SHISA9: variants seen among roughly 807,000 people sequenced by gnomAD.
The protein encoded by SHISA9 is shisa family member 9.
SHISA9 carries 13 observed loss-of-function variants against 38.0 expected under a neutral mutation model. That is an observed-to-expected ratio of 0.34 (90% CI 0.22 to 0.54). The LOEUF is 0.54. SHISA9 is among the 20% of genes least tolerant of loss of function. The pLI is 0.91. For synonymous variants in SHISA9, 275 were observed against 242.0 expected, an observed-to-expected ratio of 1.14 and a Z score of -1.27; for missense variants, 538 against 575.8, an observed-to-expected ratio of 0.93 and a Z score of 0.67.
At chr16:13,249,481 C>G in the SHISA9 span, among the ~76,000 whole-genome samples, 2 of 152,146 alleles carry the variant, frequency 1.3e-5, no homozygotes, top group African/African-American at 4.8e-5. Flanking sequence ...CAAAGATATG[C>G]TGAGCATCTG....
chr16:13,469,395 AAG>A, the SHISA9 span, among the ~76,000 whole-genome samples: 4 of 129,486 alleles, frequency 3.1e-5, no homozygotes, highest in East Asian at 2.2e-4. Flanking sequence ...GAAAGAAAGA[AAG>A]AAAGAAAGAA....
intron 2 of SHISA9, among the ~76,000 whole-genome samples, chr16:12,979,245 T>C (rs1383815646): frequency 6.6e-6 from 1 of 152,188 alleles, no homozygotes; most frequent in Non-Finnish European, 1.5e-5. Flanking sequence ...TAATGATTAA[T>C]TCCAGAAACA....
chr16:13,151,413 A>G (rs1231199257), intron 2 of SHISA9, among the ~76,000 whole-genome samples: 1 of 152,014 alleles, frequency 6.6e-6, no homozygotes, highest in Non-Finnish European at 1.5e-5. Flanking sequence ...AGTCACTTTG[A>G]TTTTCAAGGG....
chr16:13,543,536 C>G, the SHISA9 span, among the ~76,000 whole-genome samples: 1 of 152,140 alleles, frequency 6.6e-6, no homozygotes, highest in Non-Finnish European at 1.5e-5. Context: ...GGGATTTGAC[C>G]CCAGAGTCCT....
chr16:13,167,819 C>A (rs12918496), intron 2 of SHISA9, among the ~76,000 whole-genome samples: 56,024 of 152,070 alleles, frequency 0.37, 11,117 homozygotes, highest in Non-Finnish European at 0.43. Flanking sequence ...AACCTCTTTT[C>A]TTTATAAATC....
chr16:13,491,772 G>A, the SHISA9 span, among the ~76,000 whole-genome samples: 2 of 139,818 alleles, frequency 1.4e-5, no homozygotes, highest in African/African-American at 5.4e-5. Flanking sequence ...TTATAAGCAT[G>A]AGCCACTGCA....
At position 13,086,658 on chromosome 16, in the gene SHISA9, A is replaced by G. The variant is rs1339116309; in HGVS notation, c.692-116736A>G. The stretch of plus-strand genomic sequence containing the variant: ...GAAATGGATTAGAAGAAAATTTAGG[A>G]TATTTGTATTTCAAAATTGAGAAAA... On this transcript the variant is annotated intron_variant, in intron 2 of 4. Transcript: ENST00000558583. 3.9e-5 allele frequency among the ~76,000 whole-genome samples: 6 copies of G among 152,084 alleles called. No individual in the cohort carries two copies. The South Asian group carries it at 1.0e-3, about 26-fold the overall frequency.
the SHISA9 span, among the ~76,000 whole-genome samples, chr16:13,544,219 C>T: frequency 6.7e-6 from 1 of 149,144 alleles, no homozygotes; most frequent in Non-Finnish European, 1.5e-5. Context: ...ATACATAATA[C>T]TATATATCTT....
chr16:13,558,788 T>C, the SHISA9 span, among the ~76,000 whole-genome samples: 1 of 152,178 alleles, frequency 6.6e-6, no homozygotes, highest in Non-Finnish European at 1.5e-5. Context: ...AAAAAAGATA[T>C]TTGTTTATCG....
At chr16:13,399,821 T>A in the SHISA9 span, among the ~76,000 whole-genome samples, 1 of 152,224 alleles carries the variant, frequency 6.6e-6, no homozygotes, top group Admixed American at 6.5e-5. Flanking sequence ...GCATTTCTCA[T>A]AAGCTTCCAG....
chr16:13,093,724 G>A (rs1158842564), intron 2 of SHISA9, among the ~76,000 whole-genome samples: 1 of 152,052 alleles, frequency 6.6e-6, no homozygotes, highest in Non-Finnish European at 1.5e-5. Context: ...ATTTCGCTTC[G>A]TTGACCTCCC....
At chr16:13,556,704 G>A in the SHISA9 span, among the ~76,000 whole-genome samples, 1 of 151,742 alleles carries the variant, frequency 6.6e-6, no homozygotes, top group Non-Finnish European at 1.5e-5. Flanking sequence ...CAAACACTCA[G>A]CCCTCCATAT....
At chr16:13,128,595 C>G (rs554676883) in intron 2 of SHISA9, among the ~76,000 whole-genome samples, 3 of 152,280 alleles carry the variant, frequency 2.0e-5, no homozygotes, top group Admixed American at 1.3e-4. Flanking sequence ...CAGTGCCAGA[C>G]AGCTGGAAAG....
chr16:13,082,102 G>T (rs1315210189), intron 2 of SHISA9, among the ~76,000 whole-genome samples: 4 of 152,152 alleles, frequency 2.6e-5, no homozygotes, highest in African/African-American at 7.2e-5. Context: ...CCCCCCAAAG[G>T]GGAAATAAAA....
At chr16:13,355,253 G>A in the SHISA9 span, among the ~76,000 whole-genome samples, 2 of 151,168 alleles carry the variant, frequency 1.3e-5, no homozygotes, top group Non-Finnish European at 2.9e-5. Context: ...AGGCCATGCT[G>A]TAGCAGGCAA....
the SHISA9 span, among the ~76,000 whole-genome samples, chr16:13,336,025 G>A: frequency 5.9e-5 from 9 of 152,166 alleles, no homozygotes; most frequent in African/African-American, 1.9e-4. Context: ...CACCATATGG[G>A]TAGTTCTCAC....
At chr16:13,147,273 G>A (rs759460862) in intron 2 of SHISA9, among the ~76,000 whole-genome samples, 4 of 152,064 alleles carry the variant, frequency 2.6e-5, no homozygotes, top group Non-Finnish European at 2.9e-5. Context: ...TCTAAGGGCT[G>A]TGGGGAGCCA....
chr16:13,324,378 T>TC, the SHISA9 span, among the ~76,000 whole-genome samples: 1 of 152,118 alleles, frequency 6.6e-6, no homozygotes, highest in Non-Finnish European at 1.5e-5. Context: ...AATAGTTACC[T>TC]CCAGGATCCT....
intron 2 of SHISA9, among the ~76,000 whole-genome samples, chr16:13,194,923 A>C (rs1447247016): frequency 6.6e-6 from 1 of 152,226 alleles, no homozygotes; most frequent in South Asian, 2.1e-4. Flanking sequence ...GAGGTTACAG[A>C]TAATCGAGGG....
Sources: allele counts gnomAD v4.1 joint callset (sites outside exome capture counted in the v4.1 genomes callset), GRCh38; gene constraint gnomAD v4.1.1; transcripts MANE v1.5; gene names NCBI Gene and HGNC (gene_info 2026-07-23, HGNC 2026-07-21).